SND1: variants seen among roughly 807,000 people sequenced by gnomAD.
SND1 encodes staphylococcal nuclease domain-containing protein 1.
Under a neutral mutation model 121.7 loss-of-function variants are expected in SND1, and 38 were observed. The observed-to-expected ratio is 0.31, with a 90% confidence interval of 0.24 to 0.41. The LOEUF (loss-of-function observed/expected upper bound fraction) is 0.41. Ranked by LOEUF, SND1 falls within the 10% of genes least tolerant of loss-of-function variation. The pLI is 1.00. For synonymous variants in SND1, 401 were observed against 447.4 expected, an observed-to-expected ratio of 0.90 and a Z score of 1.31; for missense variants, 868 against 1,184.6, an observed-to-expected ratio of 0.73 and a Z score of 3.92.
At chr7:127,692,757 A>AT (rs1486363731) in intron 2 of SND1, 1 of 152,118 alleles carries the variant, frequency 6.6e-6, no homozygotes, top group Non-Finnish European at 1.5e-5. Context: ...AAACTAGGTT[A>AT]TTTTTTCTTA....
At chr7:127,778,556 A>G (rs1797664219) in intron 10 of SND1, among the ~76,000 whole-genome samples, 1 of 152,220 alleles carries the variant, frequency 6.6e-6, no homozygotes, top group Non-Finnish European at 1.5e-5. Context: ...ATTGAATACC[A>G]TAGAAAGAGG....
rs549699320 is a variant in SND1, at chr7:127,659,688, A to T, written c.78+7237A>T. Among the ~76,000 whole-genome samples, 28 of 152,308 alleles carry T rather than the reference A, an allele frequency of 1.8e-4. No individual in the cohort carries two copies. The East Asian group carries it at 5.0e-3, about 27-fold the overall frequency. ...TTAAAGTTAGTAATCTAATTTATTA[A>T]CTTTGTCCCTGGAAAGCAGCATGGC... On this transcript the variant is annotated intron_variant, in intron 1 of 23. Coordinates refer to ENST00000354725, the MANE Select transcript of SND1 (RefSeq NM_014390.4).
chr7:127,816,446 T>G (rs1393133857), intron 11 of SND1, among the ~76,000 whole-genome samples: 3 of 152,158 alleles, frequency 2.0e-5, no homozygotes, highest in Non-Finnish European at 4.4e-5. Flanking sequence ...GATAAGATAT[T>G]TTTTCTGCAG....
At chr7:127,709,703 A>G (rs1475509043) in intron 9 of SND1, among the ~76,000 whole-genome samples, 1 of 152,208 alleles carries the variant, frequency 6.6e-6, no homozygotes, top group African/African-American at 2.4e-5. Context: ...ATGACAATGA[A>G]GTTTTATTCA....
intron 11 of SND1, among the ~76,000 whole-genome samples, chr7:127,834,198 A>G (rs560656220): frequency 6.6e-6 from 1 of 152,278 alleles, no homozygotes; most frequent in East Asian, 1.9e-4. Context: ...TTCCAATTCC[A>G]CTGATGTATA....
Position 128,078,157 on chromosome 7 carries a change from G to A in SND1, c.1969-3203G>A, listed in dbSNP as rs555329743. Among the ~76,000 whole-genome samples, 183 of 152,290 alleles carry A rather than the reference G, an allele frequency of 1.2e-3. 2 individuals carry two copies. The highest frequency in any genetic ancestry group is 0.012 in the Admixed American group (182 of 15,292). ...AATGCACCCTTGTTCTAAGGATGGGGACAAGGGCAACCACGCCTGTCCCAG... is the reference window on the plus strand; with the variant it reads ...AATGCACCCTTGTTCTAAGGATGGGAACAAGGGCAACCACGCCTGTCCCAG... On this transcript the variant is annotated intron_variant, in intron 17 of 23. Coordinates refer to ENST00000354725, the MANE Select transcript of SND1 (RefSeq NM_014390.4).
chr7:127,734,493 G>T (rs962039119), intron 10 of SND1, among the ~76,000 whole-genome samples: 1 of 152,146 alleles, frequency 6.6e-6, no homozygotes, highest in Admixed American at 6.5e-5. Context: ...AGCTGAACTC[G>T]GTAAGGCAGA....
At chr7:128,077,293 G>A (rs1793522315) in intron 17 of SND1, among the ~76,000 whole-genome samples, 2 of 152,224 alleles carry the variant, frequency 1.3e-5, no homozygotes, top group South Asian at 4.1e-4. Context: ...GAAGGACCTG[G>A]GACTCCCTGA....
At chr7:127,945,637 C>T (rs567626115) in intron 15 of SND1, among the ~76,000 whole-genome samples, 10 of 152,224 alleles carry the variant, frequency 6.6e-5, no homozygotes, top group Admixed American at 3.9e-4. Context: ...TAGATCTGCC[C>T]CCAAAGTAAC....
intron 15 of SND1, among the ~76,000 whole-genome samples, chr7:127,941,776 C>T (rs777636176): frequency 2.9e-4 from 44 of 150,126 alleles, no homozygotes; most frequent in Non-Finnish European, 6.4e-4. Flanking sequence ...TGAATGATGT[C>T]GTATGTGCAG....
intron 10 of SND1, among the ~76,000 whole-genome samples, chr7:127,767,009 T>G (rs1797434673): frequency 6.6e-6 from 1 of 151,990 alleles, no homozygotes; most frequent in African/African-American, 2.4e-5. Context: ...GCAATAACAC[T>G]GTGGCACCCT....
intron 10 of SND1, among the ~76,000 whole-genome samples, chr7:127,765,406 C>G (rs1797393366): frequency 1.3e-5 from 2 of 152,232 alleles, no homozygotes; most frequent in Admixed American, 6.5e-5. Context: ...ATGTCTCACT[C>G]AGACATCTTC....
At chr7:127,790,667 A>T (rs1416262603) in intron 10 of SND1, among the ~76,000 whole-genome samples, 1 of 152,204 alleles carries the variant, frequency 6.6e-6, no homozygotes. Flanking sequence ...GCTGTTTTTA[A>T]TTTCAGGTAG....
intron 14 of SND1, among the ~76,000 whole-genome samples, chr7:127,909,139 A>T (rs1800405057): frequency 2.0e-5 from 3 of 151,964 alleles, no homozygotes; most frequent in Admixed American, 1.3e-4. Flanking sequence ...AGGAGTTACG[A>T]TGTTTGTTTG....
intron 15 of SND1, among the ~76,000 whole-genome samples, chr7:127,955,414 A>T (rs756198366): frequency 6.6e-6 from 1 of 152,044 alleles, no homozygotes; most frequent in Non-Finnish European, 1.5e-5. Context: ...ATCTTGAGAG[A>T]GAGATGAGAG....
At chr7:128,082,288 C>T (rs2117061290) in intron 18 of SND1, among the ~76,000 whole-genome samples, 1 of 152,312 alleles carries the variant, frequency 6.6e-6, no homozygotes, top group East Asian at 1.9e-4. Context: ...CTTCTGGATC[C>T]CAGGAAACAA....
intron 10 of SND1, among the ~76,000 whole-genome samples, chr7:127,744,390 A>G (rs1187040637): frequency 6.6e-6 from 1 of 152,124 alleles, no homozygotes; most frequent in East Asian, 1.9e-4. Flanking sequence ...AGGGTACTTT[A>G]TAATGAAACA....
chr7:127,824,010 A>G (rs1035671038), intron 11 of SND1, among the ~76,000 whole-genome samples: 4 of 152,252 alleles, frequency 2.6e-5, no homozygotes, highest in Non-Finnish European at 5.9e-5. Flanking sequence ...TTGCGCTGGT[A>G]TTAAATATTG....
intron 11 of SND1, among the ~76,000 whole-genome samples, 172 bp downstream of exon 11, chr7:127,807,745 G>A (rs1322569937): frequency 7.2e-5 from 11 of 152,122 alleles, no homozygotes; most frequent in Admixed American, 5.2e-4. Context: ...AACGGTACCC[G>A]ATGGGAGAGG....
Sources: allele counts gnomAD v4.1 joint callset (sites outside exome capture counted in the v4.1 genomes callset), GRCh38; gene constraint gnomAD v4.1.1; transcripts MANE v1.5; gene names NCBI Gene and HGNC (gene_info 2026-07-23, HGNC 2026-07-21).